GFM1: variants seen among roughly 807,000 people sequenced by gnomAD.
GFM1 encodes G elongation factor mitochondrial 1.
GFM1 carries 62 observed loss-of-function variants against 96.2 expected under a neutral mutation model. The ratio of observed to expected loss-of-function variants is 0.64; its 90% CI spans 0.53 to 0.80. The LOEUF is 0.80. Ranked by LOEUF, GFM1 falls within the 30% of genes least tolerant of loss-of-function variation. The pLI is 0.00. For synonymous variants in GFM1, 282 were observed against 312.9 expected, an observed-to-expected ratio of 0.90 and a Z score of 1.04; for missense variants, 852 against 916.6, an observed-to-expected ratio of 0.93 and a Z score of 0.91.
intron 13 of GFM1, chr3:158,666,915 A>C (rs751968664): frequency 2.8e-5 from 43 of 1,518,698 alleles, no homozygotes; most frequent in Non-Finnish European, 3.1e-5. Context: ...ATTTACATGA[A>C]TTCTGATTTA....
intron 15 of GFM1, 46 bp from the exon 16 acceptor site, chr3:158,690,117 G>C: frequency 6.7e-7 from 1 of 1,499,368 alleles, no homozygotes; most frequent in Non-Finnish European, 9.3e-7. Context: ...CAGAAGAGTT[G>C]TAGTTTGTAT....
chr3:158,684,442 A>G (rs981214515), intron 14 of GFM1, 82 bp from the exon 15 acceptor site: 12 of 1,417,876 alleles, frequency 8.5e-6, no homozygotes, highest in East Asian at 2.3e-5. Context: ...TACACTTCTG[A>G]ACACAAATAT....
In GFM1 at chr3:158,646,201, TC is replaced by T. The variant is rs863224033; in HGVS notation, c.273del (p.Met92TrpfsTer3). Reference protein sequence around the residue: ...GKDGVGAVMDSMELERQRGIT... With the variant: ...GKDGVGAVMDXMELERQRGIT... ...AGATGGAGTTGGTGCTGTCATGGAT[TC>T]CATGGAACTAGAGAGACAAAGAGGA... On this transcript the variant is annotated frameshift_variant, in exon 3 of 18. Transcript: ENST00000486715. LOFTEE classifies it high-confidence loss of function. 13 of 1,614,010 alleles carry T rather than the reference TC, an allele frequency of 8.1e-6. No homozygotes were observed. Among genetic ancestry groups the T allele is most frequent in the Non-Finnish European group, 1.0e-5 (12 of 1,179,974 alleles).
At chr3:158,691,296 C>G in intron 17 of GFM1, 40 bp from the exon 18 acceptor site, 2 of 1,583,048 alleles carry the variant, frequency 1.3e-6, no homozygotes, top group South Asian at 1.1e-5. Context: ...AAAAAACAAA[C>G]AAACAAACAA....
chr3:158,649,216 A>G, intron 5 of GFM1, 59 bp downstream of exon 5: 1 of 776,320 alleles, frequency 1.3e-6, no homozygotes, highest in Non-Finnish European at 2.3e-6. Flanking sequence ...AAAAAGAAGG[A>G]AAGGATAAGT....
chr3:158,684,204 G>T (rs1312390904), intron 14 of GFM1, among the ~76,000 whole-genome samples: 4 of 152,010 alleles, frequency 2.6e-5, no homozygotes, highest in Admixed American at 2.0e-4. Context: ...CCTATTAGAG[G>T]GTGAAGGATG....
chr3:158,684,763 G>T (rs1417894344), intron 15 of GFM1, 95 bp downstream of exon 15: 2 of 1,291,760 alleles, frequency 1.5e-6, no homozygotes, highest in African/African-American at 2.9e-5. Context: ...TTCACCCAGA[G>T]CACTAGGCTC....
intron 13 of GFM1, chr3:158,672,675 C>T: frequency 1.8e-6 from 1 of 560,410 alleles, no homozygotes; most frequent in South Asian, 2.0e-5. Context: ...CATCCGAGAG[C>T]CCTGGGCTGA....
intron 7 of GFM1, 96 bp downstream of exon 7, chr3:158,653,563 TG>T: frequency 1.1e-6 from 1 of 931,194 alleles, no homozygotes; most frequent in Non-Finnish European, 1.7e-6. Context: ...ATTATGTCTG[TG>T]ATTTTTTTTC....
chr3:158,659,445 T>C (rs866016582), intron 9 of GFM1, among the ~76,000 whole-genome samples: 2 of 152,202 alleles, frequency 1.3e-5, no homozygotes, highest in Non-Finnish European at 2.9e-5. Context: ...TTACACAGTT[T>C]TCCACATTGT....
At chr3:158,657,644 CTTCT>C (rs1483538863) in intron 8 of GFM1, 2 of 152,132 alleles carry the variant, frequency 1.3e-5, no homozygotes, top group East Asian at 1.9e-4. Context: ...GTTCCTTCTA[CTTCT>C]TTATGTTTTT....
chr3:158,665,403 T>C lies in GFM1; in HGVS notation c.1447T>C (p.Tyr483His). The C allele has an allele frequency of 6.2e-7, 1 of 1,609,490 alleles. No individual in the cohort carries two copies. The highest frequency in any genetic ancestry group is 8.5e-7 in the Non-Finnish European group (1 of 1,176,218). The change falls in exon 12 of 18, where the codon TAC becomes CAC. Residue 483 changes from tyrosine (Y) to histidine (H), a missense_variant. By Grantham distance (83) the Tyr-to-His change is moderately conservative. Coordinates refer to ENST00000486715, the MANE Select transcript of GFM1 (RefSeq NM_024996.7). The stretch of plus-strand genomic sequence containing the variant: ...AAGAGAAGATCCCACATTTAAAGTA[T>C]ACTTTGACACTGAGAACAAAGAGAC... ...FTREDPTFKVYFDTENKETVI... is the reference protein window; with the variant it reads ...FTREDPTFKVHFDTENKETVI...
chr3:158,645,584 C>T, intron 1 of GFM1, 45 bp from the exon 2 acceptor site: 1 of 1,500,834 alleles, frequency 6.7e-7, no homozygotes, highest in Non-Finnish European at 9.3e-7. Flanking sequence ...CTGTTGTTCT[C>T]TCTTATAAAA....
At position 158,672,327 on chromosome 3, in the gene GFM1, C is replaced by T. The variant is rs773702351; in HGVS notation, c.1601+5941C>T. The T allele has an allele frequency of 2.5e-6, 4 of 1,612,368 alleles. No individual in the cohort carries two copies. The East Asian group carries it at 6.7e-5, about 27-fold the overall frequency. Reference sequence around the variant, plus strand: ...AGCGCAATCCTGAAGCCTCTGCTGTCCACCACCCCCTGCTAAACTCACCTC... The same window carrying T: ...AGCGCAATCCTGAAGCCTCTGCTGTTCACCACCCCCTGCTAAACTCACCTC... On this transcript the variant is annotated intron_variant, in intron 13 of 17. Coordinates refer to ENST00000486715, the MANE Select transcript of GFM1 (RefSeq NM_024996.7).
intron 9 of GFM1, among the ~76,000 whole-genome samples, chr3:158,660,105 T>C (rs1723083797): frequency 6.6e-6 from 1 of 152,184 alleles, no homozygotes; most frequent in Admixed American, 6.5e-5. Context: ...AAATTATTTT[T>C]AGTACAGTGG....
At chr3:158,658,123 T>TCACTGCTA (rs1722910727) in intron 8 of GFM1, among the ~76,000 whole-genome samples, 1 of 151,288 alleles carries the variant, frequency 6.6e-6, no homozygotes, top group African/African-American at 2.4e-5. Flanking sequence ...TGTTAATTGG[T>TCACTGCTA]CACTGCTAGT....
In GFM1 at chr3:158,690,175, C is replaced by A. The variant is rs1390685552; in HGVS notation, c.1922C>A (p.Ala641Glu). The A allele has an allele frequency of 5.6e-6, 9 of 1,612,218 alleles. No individual in the cohort carries two copies. The Admixed American group carries it at 6.7e-5, about 12-fold the overall frequency. Residue 641 changes from alanine (A) to glutamate (E), a missense_variant, in exon 16 of 18, where the codon GCA (alanine) becomes GAA (glutamate). Ala to Glu is a moderately radical substitution (Grantham distance 107, BLOSUM62 -1). Transcript: ENST00000486715. ...EGALKQALANATLCILEPIMA... is the reference protein window; with the variant it reads ...EGALKQALANETLCILEPIMA... ...TTTTTTAACCCAGCCTTGGCAAATG[C>A]AACATTATGTATTCTTGAACCTATT...
At chr3:158,650,042 T>A (rs1722168580) in intron 5 of GFM1, 1 of 1,535,920 alleles carries the variant, frequency 6.5e-7, no homozygotes, top group African/African-American at 1.4e-5. Context: ...GCTATGGAAT[T>A]GGGATCGCAG....
At position 158,657,686 on chromosome 3, in the gene GFM1, G is replaced by C. The variant is rs1228908150; in HGVS notation, c.1084-1236G>C. Among the ~76,000 whole-genome samples, 3 of 151,568 alleles carry C rather than the reference G, an allele frequency of 2.0e-5. No homozygotes were observed. The East Asian group carries it at 5.8e-4, about 29-fold the overall frequency. On this transcript the variant is annotated intron_variant, in intron 8 of 17. Transcript: ENST00000486715. ...TCTTTCCCCATCATTAATTCAACTGGAATTTGTTTTAGTGGGTAGGATCTA... is the reference window on the plus strand; with the variant it reads ...TCTTTCCCCATCATTAATTCAACTGCAATTTGTTTTAGTGGGTAGGATCTA...
Sources: gnomAD v4.1 joint callset for allele counts (sites outside exome capture counted in the v4.1 genomes callset) on GRCh38, gnomAD v4.1.1 for gene constraint, MANE v1.5 for transcripts, NCBI Gene and HGNC (gene_info 2026-07-23, HGNC 2026-07-21) for gene names.